The following CHD1L variants were observed in gnomAD, a reference collection of about 807,000 sequenced individuals.
CHD1L encodes the protein ATP-dependent chromatin remodeler CHD1L.
CHD1L carries 118 observed loss-of-function variants against 115.9 expected under a neutral mutation model. The observed-to-expected ratio is 1.02, with a 90% confidence interval of 0.88 to 1.19. The LOEUF is 1.19. Ranked by LOEUF, CHD1L falls within the 50% of genes most tolerant of loss-of-function variation. The pLI, the probability that CHD1L is intolerant of heterozygous loss-of-function variation, is 0.00. For missense variants in CHD1L, 1,179 were observed against 1,065.3 expected (o/e 1.11, Z -1.49); for synonymous variants, 411 against 387.1 (o/e 1.06, Z -0.72).
chr1:147,209,010 A>G, the CHD1L span: 1 of 1,614,106 alleles, frequency 6.2e-7, no homozygotes, highest in African/African-American at 1.3e-5. Context: ...AGTCCCCTAC[A>G]CGATTCAGGA....
chr1:147,264,983 T>A (rs1398157954), intron 7 of CHD1L, among the ~76,000 whole-genome samples: 1 of 152,228 alleles, frequency 6.6e-6, no homozygotes, highest in Non-Finnish European at 1.5e-5. Flanking sequence ...CACTGGTATT[T>A]CTTTTAATGC....
rs949835724 is a variant in CHD1L, at chr1:147,276,258, G to A, written c.1539+1G>A. On this transcript the variant is annotated splice_donor_variant, in intron 14 of 22. Transcript: ENST00000369258. LOFTEE classifies it high-confidence loss of function. Reference sequence around the variant, plus strand: ...ACCCGCTGCCGATGCTGACCTCCAGGTATGATATGATATACTGTTCTTCAC... The same window carrying A: ...ACCCGCTGCCGATGCTGACCTCCAGATATGATATGATATACTGTTCTTCAC... 1 of 1,614,076 alleles carries A rather than the reference G, an allele frequency of 6.2e-7. No homozygotes were observed.
chr1:147,231,026 G>A, the CHD1L span, among the ~76,000 whole-genome samples: 1 of 151,910 alleles, frequency 6.6e-6, no homozygotes, highest in East Asian at 1.9e-4. Context: ...CTCTGATTTT[G>A]GTTATTTCTT....
intron 9 of CHD1L, among the ~76,000 whole-genome samples, chr1:147,268,256 T>TAAAA (rs1674740518): frequency 2.6e-5 from 4 of 152,186 alleles, no homozygotes; most frequent in Admixed American, 2.0e-4. Context: ...GGGGCTTTTT[T>TAAAA]GATTCCCTGA....
chr1:147,213,204 A>T, the CHD1L span: 1 of 917,350 alleles, frequency 1.1e-6, no homozygotes, highest in Non-Finnish European at 1.6e-6. Flanking sequence ...GATAAGTCTT[A>T]CTTCATTCCA....
the CHD1L span, among the ~76,000 whole-genome samples, chr1:147,217,238 T>TCAA: frequency 6.6e-6 from 1 of 150,388 alleles, no homozygotes; most frequent in Non-Finnish European, 1.5e-5. Context: ...AAACTCCGTC[T>TCAA]ACAAAAAAAA....
At chr1:147,186,707 T>G in the CHD1L span, 1 of 1,404,194 alleles carries the variant, frequency 7.1e-7, no homozygotes, top group South Asian at 1.6e-5. Context: ...GGATCATGAG[T>G]GGAAGGGAGA....
the CHD1L span, among the ~76,000 whole-genome samples, chr1:147,190,832 A>T: frequency 6.6e-6 from 1 of 151,312 alleles, no homozygotes; most frequent in Non-Finnish European, 1.5e-5. Context: ...ATCCCTCCCC[A>T]CTACCCCCAC....
the CHD1L span, among the ~76,000 whole-genome samples, chr1:147,228,417 C>T: frequency 1.3e-5 from 2 of 152,142 alleles, no homozygotes; most frequent in South Asian, 4.1e-4. Context: ...CATTGTTGGA[C>T]ATTTGGCTTG....
At chr1:147,267,053 GT>G (rs1166594746) in intron 8 of CHD1L, among the ~76,000 whole-genome samples, 1 of 152,150 alleles carries the variant, frequency 6.6e-6, no homozygotes, top group African/African-American at 2.4e-5. Flanking sequence ...AAACTTTTTT[GT>G]TGAATCAAAT....
At chr1:147,178,246 G>A in the CHD1L span, 1 of 1,613,694 alleles carries the variant, frequency 6.2e-7, no homozygotes. Context: ...CACGGGCTCT[G>A]CGGGCCTCAT....
At chr1:147,191,403 G>A in the CHD1L span, among the ~76,000 whole-genome samples, 1 of 152,122 alleles carries the variant, frequency 6.6e-6, no homozygotes, top group Non-Finnish European at 1.5e-5. Flanking sequence ...GTATCCCATT[G>A]TGGTTTTGAT....
At chr1:147,249,000 T>C (rs1443243316) in intron 1 of CHD1L, among the ~76,000 whole-genome samples, 1 of 152,236 alleles carries the variant, frequency 6.6e-6, no homozygotes, top group Non-Finnish European at 1.5e-5. Flanking sequence ...GAAAACCTAT[T>C]GTATTTACAC....
chr1:147,271,419 AAAGT>A (rs1347080286), intron 11 of CHD1L, among the ~76,000 whole-genome samples: 3 of 152,244 alleles, frequency 2.0e-5, no homozygotes, highest in Non-Finnish European at 2.9e-5. Context: ...AGCCAGGGGA[AAAGT>A]AAGAGCAACT....
At chr1:147,230,085 G>A in the CHD1L span, among the ~76,000 whole-genome samples, 1 of 95,318 alleles carries the variant, frequency 1.0e-5, no homozygotes, top group African/African-American at 6.6e-5. Flanking sequence ...CCTGTCTTGT[G>A]CCAGTTTTCA....
chr1:147,213,313 AAGC>A, the CHD1L span: 9 of 1,605,736 alleles, frequency 5.6e-6, no homozygotes, highest in East Asian at 1.8e-4. Flanking sequence ...CTCACCAGGG[AAGC>A]TTTCCAGAGG....
the CHD1L span, among the ~76,000 whole-genome samples, chr1:147,196,636 C>T: frequency 5.1e-4 from 77 of 152,034 alleles, no homozygotes; most frequent in African/African-American, 1.6e-3. Context: ...CATCTTTTTA[C>T]GTGTATACTC....
At chr1:147,254,124 T>C (rs1276047448) in intron 2 of CHD1L, among the ~76,000 whole-genome samples, 1 of 152,188 alleles carries the variant, frequency 6.6e-6, no homozygotes, top group African/African-American at 2.4e-5. Context: ...AATAGGTTAT[T>C]TTCTCTGTAT....
At chr1:147,213,099 A>G in the CHD1L span, among the ~76,000 whole-genome samples, 1 of 152,174 alleles carries the variant, frequency 6.6e-6, no homozygotes, top group Non-Finnish European at 1.5e-5. Context: ...TTGTAAAACT[A>G]AATAGACTGC....
Sources: allele counts gnomAD v4.1 joint callset (sites outside exome capture counted in the v4.1 genomes callset), GRCh38; gene constraint gnomAD v4.1.1; transcripts MANE v1.5; gene names NCBI Gene and HGNC (gene_info 2026-07-23, HGNC 2026-07-21).